AGBL1: variants seen among roughly 807,000 people sequenced by gnomAD.
The protein encoded by AGBL1 is cytosolic carboxypeptidase 4.
AGBL1 carries 130 observed loss-of-function variants against 118.9 expected under a neutral mutation model. The observed-to-expected ratio is 1.09, with a 90% CI of 0.95 to 1.26. The LOEUF is 1.26. Ranked by LOEUF, AGBL1 falls within the 50% of genes most tolerant of loss-of-function variation. AGBL1 has a pLI of 0.00. For missense variants in AGBL1, 1,584 were observed against 1,298.1 expected (o/e 1.22, Z -3.38); for synonymous variants, 555 against 478.9 (o/e 1.16, Z -2.08).
chr15:87,016,118 C>G (rs887444304), intron 24 of AGBL1, among the ~76,000 whole-genome samples: 1 of 152,184 alleles, frequency 6.6e-6, no homozygotes, highest in Non-Finnish European at 1.5e-5. Context: ...TTAATGCTTT[C>G]CATATCACGT....
chr15:86,287,701 G>T (rs1027020046), intron 16 of AGBL1, among the ~76,000 whole-genome samples: 5 of 152,096 alleles, frequency 3.3e-5, no homozygotes, highest in African/African-American at 1.2e-4. Context: ...TTCACCACTG[G>T]CAAGGACCCA....
intron 22 of AGBL1, among the ~76,000 whole-genome samples, chr15:86,778,081 G>A (rs1363532852): frequency 6.6e-6 from 1 of 152,098 alleles, no homozygotes; most frequent in East Asian, 1.9e-4. Context: ...GTCCAGGGGA[G>A]ACATCACATG....
At chr15:86,636,642 G>C (rs1376012050) in intron 21 of AGBL1, among the ~76,000 whole-genome samples, 4 of 133,348 alleles carry the variant, frequency 3.0e-5, no homozygotes, top group Non-Finnish European at 4.8e-5. Flanking sequence ...CTGAATCACT[G>C]TGAGTCAGAA....
chr15:86,740,755 C>G (rs2077665864), intron 22 of AGBL1, among the ~76,000 whole-genome samples: 1 of 151,898 alleles, frequency 6.6e-6, no homozygotes, highest in Non-Finnish European at 1.5e-5. Flanking sequence ...TTTTTACTGG[C>G]AAAGATAAGG....
intron 19 of AGBL1, among the ~76,000 whole-genome samples, chr15:86,541,816 A>G (rs900955729): frequency 6.6e-6 from 1 of 152,152 alleles, no homozygotes; most frequent in African/African-American, 2.4e-5. Context: ...CAACTACCTC[A>G]TGTTGCCTCC....
chr15:86,906,027 T>G (rs143994350), intron 22 of AGBL1, among the ~76,000 whole-genome samples: 2 of 152,210 alleles, frequency 1.3e-5, no homozygotes, highest in South Asian at 4.1e-4. Context: ...AGCAGACAAT[T>G]AAGACACTGG....
At chr15:86,355,259 T>G (rs2080694896) in intron 17 of AGBL1, among the ~76,000 whole-genome samples, 1 of 152,216 alleles carries the variant, frequency 6.6e-6, no homozygotes, top group Non-Finnish European at 1.5e-5. Flanking sequence ...GTATATATGT[T>G]CTTCTTTAGT....
In AGBL1 at chr15:86,426,170, T is replaced by C. The variant is rs148310945; in HGVS notation, c.2555+28624T>C. 4.9e-4 allele frequency among the ~76,000 whole-genome samples: 74 copies of C among 152,264 alleles called. 1 individual carries two copies. The highest frequency in any genetic ancestry group is 1.5e-3 in the African/African-American group (64 of 41,558). ...AAACTCTATATTTAGAACTTGAACA[T>C]TGAAGATTTGTACTCTGAAAGACTG... On this transcript the variant is annotated intron_variant, in intron 18 of 22. Transcript: ENST00000614907.
chr15:86,179,843 C>G (rs1356665109), intron 5 of AGBL1, among the ~76,000 whole-genome samples: 2 of 152,094 alleles, frequency 1.3e-5, no homozygotes, highest in East Asian at 1.9e-4. Flanking sequence ...AGTGAGTTTA[C>G]CAAGGTTCCA....
At chr15:86,494,239 G>A (rs1344185773) in intron 18 of AGBL1, among the ~76,000 whole-genome samples, 1 of 152,034 alleles carries the variant, frequency 6.6e-6, no homozygotes, top group Non-Finnish European at 1.5e-5. Flanking sequence ...TTGATGTGGG[G>A]TCATGTTTGT....
chr15:86,827,449 GTATATA>G lies in AGBL1; in HGVS notation c.3159-79623_3159-79618del, dbSNP rs1317318771. 4.4e-3 allele frequency among the ~76,000 whole-genome samples: 19 copies of G among 4,294 alleles called. 8 individuals are homozygous for G. The highest frequency in any genetic ancestry group is 7.6e-3 in the Non-Finnish European group (18 of 2,362). The allele number at this position is 4,294 out of a possible 152,430, so 2.8% of individuals were successfully genotyped here. ...TATATACACATATATATATGTGTGT[GTATATA>G]TATATATATATATACATATATATAT... On this transcript the variant is annotated intron_variant, in intron 22 of 22. Transcript: ENST00000614907.
intron 21 of AGBL1, among the ~76,000 whole-genome samples, chr15:86,619,367 C>T (rs563244767): frequency 6.6e-5 from 10 of 152,306 alleles, no homozygotes; most frequent in South Asian, 4.1e-4. Context: ...ACTTCCACTT[C>T]TTCCCTTTCT....
At chr15:87,002,363 C>T (rs1389693182) in intron 24 of AGBL1, among the ~76,000 whole-genome samples, 1 of 151,940 alleles carries the variant, frequency 6.6e-6, no homozygotes, top group Non-Finnish European at 1.5e-5. Context: ...CAGTACCATG[C>T]TGTTTTGGTT....
At chr15:86,215,750 C>G (rs2078177642) in intron 5 of AGBL1, among the ~76,000 whole-genome samples, 1 of 152,092 alleles carries the variant, frequency 6.6e-6, no homozygotes. Context: ...TCAAGAAATC[C>G]CATCAGTTCT....
intron 16 of AGBL1, among the ~76,000 whole-genome samples, chr15:86,293,411 T>A (rs934478359): frequency 6.6e-6 from 1 of 152,186 alleles, no homozygotes; most frequent in African/African-American, 2.4e-5. Flanking sequence ...CCTTGGCTGG[T>A]GATGCCTTTC....
chr15:86,544,242 T>C (rs1222940197), intron 19 of AGBL1, among the ~76,000 whole-genome samples: 1 of 152,198 alleles, frequency 6.6e-6, no homozygotes, highest in African/African-American at 2.4e-5. Context: ...GTGGTTGGCT[T>C]GATATCAGCT....
chr15:86,484,700 T>C (rs1156774180), intron 18 of AGBL1, among the ~76,000 whole-genome samples: 2 of 152,144 alleles, frequency 1.3e-5, no homozygotes, highest in Non-Finnish European at 2.9e-5. Flanking sequence ...TATTATCAAT[T>C]GATTCCATGT....
At chr15:86,254,539 G>A (rs1414557766) in intron 7 of AGBL1, among the ~76,000 whole-genome samples, 2 of 152,198 alleles carry the variant, frequency 1.3e-5, no homozygotes, top group African/African-American at 4.8e-5. Context: ...AGCATTGAAT[G>A]TATTAATTGA....
intron 19 of AGBL1, among the ~76,000 whole-genome samples, chr15:86,542,548 A>G (rs937675647): frequency 6.6e-5 from 10 of 151,812 alleles, no homozygotes; most frequent in African/African-American, 2.4e-4. Context: ...TTGTATTTTT[A>G]GTAGAGACAG....
Sources: gnomAD v4.1 joint callset for allele counts (sites outside exome capture counted in the v4.1 genomes callset) on GRCh38, gnomAD v4.1.1 for gene constraint, MANE v1.5 for transcripts, NCBI Gene and HGNC (gene_info 2026-07-23, HGNC 2026-07-21) for gene names.